The following FRMD1 variants were observed in gnomAD, a reference collection of about 807,000 sequenced individuals.
FRMD1 encodes the protein FERM domain-containing protein 1.
In FRMD1, 51 loss-of-function variants were observed where a neutral mutation model predicts 54.9. The ratio of observed to expected loss-of-function variants is 0.93; its 90% CI spans 0.74 to 1.17. FRMD1 has a LOEUF of 1.17. Among genes scored for constraint, FRMD1 ranks in the 50% most tolerant of loss-of-function variants. FRMD1 has a pLI of 0.00. For synonymous variants in FRMD1, 324 were observed against 306.4 expected, an observed-to-expected ratio of 1.06 and a Z score of -0.60; for missense variants, 729 against 743.0, an observed-to-expected ratio of 0.98 and a Z score of 0.22.
At chr6:168,079,735 C>T (rs1800773846), upstream of FRMD1, among the ~76,000 whole-genome samples, 1 of 152,176 alleles carries the variant, frequency 6.6e-6, no homozygotes, top group African/African-American at 2.4e-5. Context: ...TTGTCCAGGG[C>T]CAGCAAATCC....
At chr6:168,063,787 C>A in intron 5 of FRMD1, 31 bp from the exon 6 acceptor site, 1 of 1,580,118 alleles carries the variant, frequency 6.3e-7, no homozygotes, top group South Asian at 1.2e-5. Context: ...TCAGCTCAGA[C>A]CCCTGCTGGT....
intron 9 of FRMD1, among the ~76,000 whole-genome samples, chr6:168,060,325 C>A (rs1331105662): frequency 1.9e-5 from 2 of 106,708 alleles, no homozygotes; most frequent in Non-Finnish European, 3.6e-5. Context: ...GGGGGCTTCC[C>A]GGGATGGGGA....
intron 2 of FRMD1, among the ~76,000 whole-genome samples, chr6:168,069,723 A>G (rs1800205494): frequency 6.6e-6 from 1 of 152,168 alleles, no homozygotes; most frequent in East Asian, 1.9e-4. Flanking sequence ...ACACTACGAG[A>G]ACAATACTTG....
chr6:168,086,421 A>G (rs1363831141), upstream of FRMD1, among the ~76,000 whole-genome samples: 5 of 144,118 alleles, frequency 3.5e-5, no homozygotes, highest in Non-Finnish European at 6.0e-5. Context: ...CTACACCCCT[A>G]GCATGGATGC....
rs1425661937 is a variant in FRMD1, at chr6:168,064,979, T to A, written c.540A>T (p.Glu180Asp). The stretch of plus-strand genomic sequence containing the variant: ...CGCAGGCAGCCAGCAGGAAGTAGGC[T>A]TCCTCCCGGTGAGCGCACTGTGACC... ...VLRSQCAHRE[E>D]AYFLLAACAL... The change falls in exon 5 of 11, where the codon GAA becomes GAT. Residue 180 changes from glutamate to aspartate, a missense_variant. Physicochemically the swap from Glu to Asp is conservative, Grantham distance 45. Transcript: ENST00000283309. 3.7e-6 allele frequency: 6 copies of A among 1,611,966 alleles called. No individual in the cohort carries two copies. In the South Asian group the frequency reaches 5.5e-5, roughly 15 times the overall value.
intron 8 of FRMD1, 152 bp downstream of exon 8, chr6:168,061,655 G>A (rs1020313882): frequency 3.5e-5 from 29 of 831,644 alleles, no homozygotes; most frequent in East Asian, 2.2e-4. Context: ...CCACCACTTC[G>A]CCCTTCGACC....
upstream of FRMD1, among the ~76,000 whole-genome samples, chr6:168,086,367 C>T (rs1800919193): frequency 6.6e-6 from 1 of 152,062 alleles, no homozygotes; most frequent in South Asian, 2.1e-4. Flanking sequence ...AGTGTGGACA[C>T]TGCCCATGTT....
In FRMD1 at chr6:168,057,183, T is replaced by G. The variant is rs755949704; in HGVS notation, c.1564A>C (p.Arg522=). The change falls in exon 11 of 11, where the codon AGG becomes CGG. Residue 522 remains arginine, a synonymous_variant. Transcript: ENST00000283309. ...DCRLAGPCET[R]ATLPSKRSSN... is the part of the protein sequence containing the mutation. ...GACCTCTTGCTGGGGAGAGTGGCCC[T>G]GGTCTCGCAGGGGCCTGCCAGCCTG... 1.3e-5 allele frequency: 21 copies of G among 1,594,458 alleles called. No individual in the cohort carries two copies. The African/African-American group carries it at 2.8e-4, about 21-fold the overall frequency.
At chr6:168,089,904 C>A (rs1227185062) in intron 1 of FRMD1, among the ~76,000 whole-genome samples, 1 of 152,178 alleles carries the variant, frequency 6.6e-6, no homozygotes, top group African/African-American at 2.4e-5. Context: ...GCTGGTGGTG[C>A]CCTGTCATCC....
At chr6:168,082,841 G>A (rs1290140220), upstream of FRMD1, among the ~76,000 whole-genome samples, 1 of 152,234 alleles carries the variant, frequency 6.6e-6, no homozygotes, top group Non-Finnish European at 1.5e-5. Context: ...GGATAGTGCA[G>A]GGCCTGGGTT....
intron 1 of FRMD1, among the ~76,000 whole-genome samples, chr6:168,090,480 G>T (rs1300266237): frequency 6.6e-6 from 1 of 152,170 alleles, no homozygotes; most frequent in East Asian, 1.9e-4. Flanking sequence ...TGTCTGAGGA[G>T]CTCTTTCCCA....
upstream of FRMD1, chr6:168,081,291 C>T: frequency 6.9e-7 from 1 of 1,446,778 alleles, no homozygotes. Flanking sequence ...AAGAAGACAA[C>T]TTTGCACCCT....
At chr6:168,078,795 G>GGACCCTGCTCACTCCCAT (rs1800726132) in intron 1 of FRMD1, 87 bp downstream of exon 1, 1 of 933,214 alleles carries the variant, frequency 1.1e-6, no homozygotes, top group African/African-American at 3.0e-5. Flanking sequence ...CGGCCACCCA[G>GGACCCTGCTCACTCCCAT]GGCCCTGCTC....
chr6:168,088,276 G>A (rs1196602342), intron 1 of FRMD1, among the ~76,000 whole-genome samples: 1 of 152,224 alleles, frequency 6.6e-6, no homozygotes, highest in Non-Finnish European at 1.5e-5. Flanking sequence ...ACCTGCCCCT[G>A]CTGGGAGGCA....
intron 4 of FRMD1, chr6:168,065,459 C>T (rs1009215034): frequency 1.2e-4 from 121 of 1,003,888 alleles, no homozygotes; most frequent in Non-Finnish European, 1.4e-4. Context: ...GCTCCCAGAG[C>T]TCACCGCCCA....
chr6:168,058,782 C>T (rs1799555303), intron 10 of FRMD1, among the ~76,000 whole-genome samples: 1 of 152,190 alleles, frequency 6.6e-6, no homozygotes, highest in Non-Finnish European at 1.5e-5. Context: ...GACGGGGCAG[C>T]CAGTCTGCTG....
At chr6:168,088,057 T>G (rs1800952003) in intron 1 of FRMD1, among the ~76,000 whole-genome samples, 1 of 152,154 alleles carries the variant, frequency 6.6e-6, no homozygotes, top group Admixed American at 6.5e-5. Flanking sequence ...TCTCTCCCTC[T>G]GGTTCCGAGT....
At chr6:168,061,613 C>CT (rs1412883635) in intron 8 of FRMD1, among the ~76,000 whole-genome samples, 194 bp downstream of exon 8, 1 of 152,256 alleles carries the variant, frequency 6.6e-6, no homozygotes, top group Non-Finnish European at 1.5e-5. Flanking sequence ...CCAGTCCCAT[C>CT]TATAGAATTC....
At chr6:168,075,029 A>G (rs1045250292) in intron 2 of FRMD1, among the ~76,000 whole-genome samples, 3 of 146,600 alleles carry the variant, frequency 2.0e-5, no homozygotes, top group Non-Finnish European at 4.5e-5. Flanking sequence ...GCATGTGTAC[A>G]TGGTGCGAAT....
Sources: allele counts gnomAD v4.1 joint callset (sites outside exome capture counted in the v4.1 genomes callset), GRCh38; gene constraint gnomAD v4.1.1; transcripts MANE v1.5; gene names NCBI Gene and HGNC (gene_info 2026-07-23, HGNC 2026-07-21).